Variants in IL21R observed in about 807,000 individuals in gnomAD.
The protein encoded by IL21R is interleukin-21 receptor.
Under a neutral mutation model 41.3 loss-of-function variants are expected in IL21R, and 14 were observed. That is an observed-to-expected ratio of 0.34 (90% CI 0.22 to 0.53). The LOEUF (loss-of-function observed/expected upper bound fraction) is 0.53. IL21R is among the 20% of genes least tolerant of loss of function. IL21R has a pLI of 0.94. For missense variants in IL21R, 588 were observed against 681.6 expected (o/e 0.86, Z 1.53); for synonymous variants, 286 against 287.6 (o/e 0.99, Z 0.05).
intron 2 of IL21R, among the ~76,000 whole-genome samples, chr16:27,433,425 C>T (rs1309185935): frequency 6.6e-6 from 1 of 152,092 alleles, no homozygotes; most frequent in Non-Finnish European, 1.5e-5. Flanking sequence ...GAGATCGCAC[C>T]ACTGCATTCC....
chr16:27,421,444 CT>C (rs1279938141), intron 1 of IL21R, among the ~76,000 whole-genome samples: 1 of 149,044 alleles, frequency 6.7e-6, no homozygotes, highest in Non-Finnish European at 1.5e-5. Context: ...GTTTTCCAAT[CT>C]ATGAACATGG....
intron 4 of IL21R, among the ~76,000 whole-genome samples, chr16:27,440,242 T>TAGAGAG (rs1329486965): frequency 9.7e-4 from 84 of 87,012 alleles, no homozygotes; most frequent in African/African-American, 3.4e-3. Flanking sequence ...TATATATATA[T>TAGAGAG]ATATATAGAG....
intron 1 of IL21R, among the ~76,000 whole-genome samples, chr16:27,419,816 T>TTTATTATTA (rs57138211): frequency 4.8e-4 from 71 of 148,020 alleles, no homozygotes; most frequent in African/African-American, 1.3e-3. Flanking sequence ...AGTAACATAG[T>TTTATTATTA]TTATTATTAT....
At position 27,443,508 on chromosome 16, in the gene IL21R, G is replaced by T. The variant is rs1217560688; in HGVS notation, c.507+392G>T. On this transcript the variant is annotated intron_variant, in intron 5 of 8. Transcript: ENST00000337929. ...TCAATTATTAAGAAGGTCCAGCCAG[G>T]TGCGGTGGCTCATGCCTGTAATCCC... Among the ~76,000 whole-genome samples the T allele has an allele frequency of 2.6e-5, 4 of 152,164 alleles. No homozygotes were observed. In the East Asian group the frequency reaches 7.7e-4, roughly 29 times the overall value.
In IL21R at chr16:27,425,138, C is replaced by T. The variant is rs1312764356; in HGVS notation, c.-16-4918C>T. The stretch of plus-strand genomic sequence containing the variant: ...CATGAGATTTGGGTGGGACAAATAT[C>T]CAAACCATATCAAGGGGCTCCTGTA... On this transcript the variant is annotated intron_variant, in intron 1 of 8. Transcript: ENST00000337929. Among the ~76,000 whole-genome samples, 3 of 152,316 alleles carry T rather than the reference C, an allele frequency of 2.0e-5. No individual in the cohort carries two copies. In the East Asian group the frequency reaches 5.8e-4, roughly 29 times the overall value.
intron 5 of IL21R, among the ~76,000 whole-genome samples, 188 bp downstream of exon 5, chr16:27,443,304 T>C (rs1437482870): frequency 6.6e-6 from 1 of 152,258 alleles, no homozygotes; most frequent in South Asian, 2.1e-4. Context: ...AGGAGACCCC[T>C]GAATAATCTG....
Position 27,448,745 on chromosome 16 carries a change from G to A in IL21R, c.1079G>A (p.Gly360Asp), listed in dbSNP as rs1555498773. 3.1e-6 allele frequency: 5 copies of A among 1,613,550 alleles called. No homozygotes were observed. Among genetic ancestry groups the A allele is most frequent in the South Asian group, 1.1e-5 (1 of 91,086 alleles). The part of the protein sequence containing the change: ...SFWPTAQNSG[G>D]SAYSEERDRP... ...TGGCCGACAGCCCAGAACTCGGGGGGCTCAGCTTACAGTGAGGAGAGGGAT... is the reference window on the plus strand; with the variant it reads ...TGGCCGACAGCCCAGAACTCGGGGGACTCAGCTTACAGTGAGGAGAGGGAT... The change falls in exon 9 of 9, where the codon GGC becomes GAC. Residue 360 changes from glycine (G) to aspartate (D), a missense_variant. By Grantham distance (94) the Gly-to-Asp change is moderately conservative (BLOSUM62 -1). Transcript: ENST00000337929.
intron 1 of IL21R, 80 bp from the exon 2 acceptor site, chr16:27,429,976 C>G: frequency 5.6e-6 from 7 of 1,252,222 alleles, no homozygotes; most frequent in Non-Finnish European, 7.9e-6. Flanking sequence ...GCAAGTCTGC[C>G]TGGGAAGAGA....
intron 2 of IL21R, among the ~76,000 whole-genome samples, chr16:27,431,935 A>G (rs909094476): frequency 1.8e-4 from 27 of 152,236 alleles, no homozygotes; most frequent in Admixed American, 7.2e-4. Context: ...CCCAGCCCCC[A>G]TCTTTGCCTT....
chr16:27,419,370 T>A (rs1343902417), intron 1 of IL21R, among the ~76,000 whole-genome samples: 1 of 152,222 alleles, frequency 6.6e-6, no homozygotes, highest in Non-Finnish European at 1.5e-5. Context: ...TCTCCTATGA[T>A]AATGATGCCT....
Position 27,446,476 on chromosome 16 carries a change from G to A in IL21R, c.867+388G>A, listed in dbSNP as rs551864499. Among the ~76,000 whole-genome samples the A allele has an allele frequency of 3.9e-5, 6 of 152,078 alleles. No homozygotes were observed. In the South Asian group the frequency reaches 8.3e-4, roughly 21 times the overall value. On this transcript the variant is annotated intron_variant, in intron 8 of 8. Coordinates refer to ENST00000337929, the MANE Select transcript of IL21R (RefSeq NM_181078.3). ...AAATCATTCAAGTGAGGTGGTGCAC[G>A]CCTGTAGTCCCAGCAACTCGGGAGG...
intron 3 of IL21R, 36 bp from the exon 4 acceptor site, chr16:27,437,452 G>T: frequency 6.3e-7 from 1 of 1,579,808 alleles, no homozygotes. Context: ...CCCTGCCCCT[G>T]GCTTCCAGCC....
intron 1 of IL21R, among the ~76,000 whole-genome samples, chr16:27,420,720 C>T (rs749400807): frequency 2.6e-5 from 4 of 152,176 alleles, no homozygotes; most frequent in Admixed American, 1.3e-4. Flanking sequence ...TTAACAAATA[C>T]GTGATTTGCA....
chr16:27,440,921 C>A (rs933691684), intron 4 of IL21R, among the ~76,000 whole-genome samples: 7 of 151,620 alleles, frequency 4.6e-5, no homozygotes, highest in Non-Finnish European at 1.0e-4. Context: ...CATGGTGGTG[C>A]GCACCTATGG....
chr16:27,441,618 T>G (rs576911171), intron 4 of IL21R, among the ~76,000 whole-genome samples: 1 of 152,260 alleles, frequency 6.6e-6, no homozygotes, highest in East Asian at 1.9e-4. Context: ...TAGCTGGGGT[T>G]GAAAGAAAAT....
At chr16:27,431,634 T>A (rs1453773248) in intron 2 of IL21R, among the ~76,000 whole-genome samples, 1 of 151,970 alleles carries the variant, frequency 6.6e-6, no homozygotes, top group East Asian at 1.9e-4. Flanking sequence ...GTAGCTTTGA[T>A]TCCGGTGAGG....
intron 1 of IL21R, among the ~76,000 whole-genome samples, chr16:27,422,759 G>A (rs1337649754): frequency 6.6e-6 from 1 of 151,976 alleles, no homozygotes; most frequent in Non-Finnish European, 1.5e-5. Flanking sequence ...TATCTTCATT[G>A]TTGATCATTT....
chr16:27,432,182 C>T (rs3093310), intron 2 of IL21R, among the ~76,000 whole-genome samples: 57,220 of 152,154 alleles, frequency 0.38, 11,389 homozygotes, highest in East Asian at 0.47. Context: ...AACCGTAGCA[C>T]GGCCTTCACC....
chr16:27,431,054 C>T (rs779148302), intron 2 of IL21R, among the ~76,000 whole-genome samples: 7 of 152,024 alleles, frequency 4.6e-5, no homozygotes, highest in Non-Finnish European at 8.8e-5. Flanking sequence ...GGAGGGCTTC[C>T]TGGAGGAGGG....
Sources: gnomAD v4.1 joint callset for allele counts (sites outside exome capture counted in the v4.1 genomes callset) on GRCh38, gnomAD v4.1.1 for gene constraint, MANE v1.5 for transcripts, NCBI Gene and HGNC (gene_info 2026-07-23, HGNC 2026-07-21) for gene names.